MEI4: variants seen among roughly 807,000 people sequenced by gnomAD.
The protein encoded by MEI4 is meiotic double-stranded break formation protein 4, also known as meiosis-specific protein MEI4.
Under a neutral mutation model 31.4 loss-of-function variants are expected in MEI4, and 27 were observed. That is an observed-to-expected ratio of 0.86 (90% CI 0.63 to 1.19). The LOEUF (loss-of-function observed/expected upper bound fraction) is 1.19. Ranked by LOEUF, MEI4 falls within the 50% of genes most tolerant of loss-of-function variation. MEI4 has a pLI of 0.00. For synonymous variants in MEI4, 122 were observed against 145.4 expected, an observed-to-expected ratio of 0.84 and a Z score of 1.16; for missense variants, 329 against 398.9, an observed-to-expected ratio of 0.82 and a Z score of 1.49.
intron 3 of MEI4, among the ~76,000 whole-genome samples, chr6:77,775,122 GGACAATTCAGGATTA>G (rs1768407175): frequency 7.3e-6 from 1 of 136,110 alleles, no homozygotes; most frequent in African/African-American, 3.5e-5. Flanking sequence ...GGGACCTCCT[GGACAATTCAGGATTA>G]CCTCTTCATC....
chr6:77,922,002 C>T (rs1341799798), intron 4 of MEI4, among the ~76,000 whole-genome samples: 1 of 151,664 alleles, frequency 6.6e-6, no homozygotes, highest in Non-Finnish European at 1.5e-5. Context: ...GGAAAAATGA[C>T]TCTGATAGAC....
chr6:77,792,434 G>C (rs1261333611), intron 3 of MEI4, among the ~76,000 whole-genome samples: 1 of 152,064 alleles, frequency 6.6e-6, no homozygotes, highest in African/African-American at 2.4e-5. Context: ...CAGTGTACAA[G>C]GGTTTCATTT....
intron 1 of MEI4, among the ~76,000 whole-genome samples, chr6:77,677,253 G>A (rs1412187173): frequency 6.6e-6 from 1 of 152,130 alleles, no homozygotes; most frequent in Non-Finnish European, 1.5e-5. Flanking sequence ...AGCTTCAACT[G>A]CCACCTGCAT....
chr6:77,804,091 A>C (rs904441451), intron 3 of MEI4, among the ~76,000 whole-genome samples: 10 of 152,172 alleles, frequency 6.6e-5, no homozygotes, highest in Non-Finnish European at 1.3e-4. Flanking sequence ...AGAGGCAGGC[A>C]GGCCTCCTTG....
At chr6:77,696,607 G>T (rs566450963) in intron 2 of MEI4, among the ~76,000 whole-genome samples, 2 of 151,560 alleles carry the variant, frequency 1.3e-5, no homozygotes, top group African/African-American at 4.8e-5. Flanking sequence ...GCATCCCAGG[G>T]ATGAAGCCCA....
chr6:77,736,731 A>T (rs1223006675), intron 2 of MEI4, among the ~76,000 whole-genome samples: 3 of 152,134 alleles, frequency 2.0e-5, no homozygotes, highest in African/African-American at 2.4e-5. Context: ...AGCCCTGCCC[A>T]TAGCATCACA....
intron 2 of MEI4, among the ~76,000 whole-genome samples, chr6:77,752,918 A>T (rs1767814667): frequency 1.3e-5 from 2 of 152,210 alleles, no homozygotes; most frequent in South Asian, 2.1e-4. Context: ...AGACCAGTGG[A>T]ACAGAACGGA....
chr6:77,825,701 T>C lies in MEI4; in HGVS notation c.769-3230T>C, dbSNP rs140039755. Among the ~76,000 whole-genome samples, 510 of 152,350 alleles carry C rather than the reference T, an allele frequency of 3.3e-3. 2 individuals carry two copies. The highest frequency in any genetic ancestry group is 0.012 in the African/African-American group (497 of 41,576). On this transcript the variant is annotated intron_variant, in intron 3 of 4. Transcript: ENST00000684080. Reference sequence around the variant, plus strand: ...TATAGGAATTTAAGTAGATACAACATATATATGTCTCTATTGCATTTTACT... The same window carrying C: ...TATAGGAATTTAAGTAGATACAACACATATATGTCTCTATTGCATTTTACT...
At position 77,755,423 on chromosome 6, in the gene MEI4, CT is replaced by C. The variant is rs554750812; in HGVS notation, c.233-5696del. 1.7e-3 allele frequency among the ~76,000 whole-genome samples: 249 copies of C among 147,496 alleles called. 1 individual carries two copies. Among genetic ancestry groups the C allele is most frequent in the African/African-American group, 4.7e-3 (190 of 40,496 alleles). ...ACTCTGTAGGTTTTGTTTATTCATACTTTTTTTTTTTCTAAGACAGAGTCTC... is the reference window on the plus strand; with the variant it reads ...ACTCTGTAGGTTTTGTTTATTCATACTTTTTTTTTTCTAAGACAGAGTCTC... On this transcript the variant is annotated intron_variant, in intron 2 of 4. Coordinates refer to ENST00000684080, the MANE Select transcript of MEI4 (RefSeq NM_001322247.2).
chr6:77,744,764 C>A (rs575583278), intron 2 of MEI4, among the ~76,000 whole-genome samples: 5 of 152,126 alleles, frequency 3.3e-5, no homozygotes, highest in East Asian at 1.9e-4. Context: ...GACTAACAGT[C>A]GATCTCTCGG....
chr6:77,823,437 TGA>T (rs1769874861), intron 3 of MEI4, among the ~76,000 whole-genome samples: 1 of 152,224 alleles, frequency 6.6e-6, no homozygotes, highest in Admixed American at 6.5e-5. Context: ...AGTTAAGATG[TGA>T]GTTAGTTCCA....
At chr6:77,682,617 A>G (rs1194110667) in intron 1 of MEI4, among the ~76,000 whole-genome samples, 1 of 152,176 alleles carries the variant, frequency 6.6e-6, no homozygotes, top group Non-Finnish European at 1.5e-5. Context: ...TACTGATGAG[A>G]GCCAGGGTTA....
At chr6:77,673,981 A>T (rs1768794150) in intron 1 of MEI4, among the ~76,000 whole-genome samples, 5 of 152,180 alleles carry the variant, frequency 3.3e-5, no homozygotes, top group Admixed American at 3.3e-4. Context: ...TAAAATGTGG[A>T]AGCATTTAAT....
intron 2 of MEI4, among the ~76,000 whole-genome samples, chr6:77,693,748 A>T (rs1461350858): frequency 6.6e-6 from 1 of 152,148 alleles, no homozygotes; most frequent in Non-Finnish European, 1.5e-5. Flanking sequence ...AAGGAAGAAC[A>T]TGGCAGTTAT....
intron 3 of MEI4, 53 bp downstream of exon 3, chr6:77,761,718 A>T: frequency 8.7e-7 from 1 of 1,150,254 alleles, no homozygotes; most frequent in Non-Finnish European, 1.1e-6. Flanking sequence ...TTTAGTGAAC[A>T]TCTCTTTGGG....
intron 2 of MEI4, among the ~76,000 whole-genome samples, chr6:77,702,570 T>A (rs1395763710): frequency 6.6e-6 from 1 of 152,236 alleles, no homozygotes; most frequent in Non-Finnish European, 1.5e-5. Context: ...CCATTCCTGA[T>A]GCCATTTCCT....
At chr6:77,725,004 A>G (rs1766789919) in intron 2 of MEI4, among the ~76,000 whole-genome samples, 1 of 138,030 alleles carries the variant, frequency 7.2e-6, no homozygotes, top group Admixed American at 7.3e-5. Flanking sequence ...TGCTTTAATA[A>G]TGGCCCAATC....
At position 77,924,670 on chromosome 6, in the gene MEI4, A is replaced by AGACTT. The variant is rs1288189533; in HGVS notation, c.*1326_*1330dup. 6.6e-6 allele frequency: 1 copy of AGACTT among 151,792 alleles called. No homozygotes were observed. The highest frequency in any genetic ancestry group is 1.9e-4 in the East Asian group (1 of 5,152). The allele number at this position is 151,792 out of a possible 1,614,324, so 9.4% of individuals were successfully genotyped here. ...TCCACATGTGCATATTCTGAGAACCAGACTTGGGGGATAGTAGCTTCTCAG... is the reference window on the plus strand; with the variant it reads ...TCCACATGTGCATATTCTGAGAACCAGACTTGACTTGGGGGATAGTAGCTTCTCAG... On this transcript the variant is annotated 3_prime_UTR_variant, in exon 5 of 5. Coordinates refer to ENST00000684080, the MANE Select transcript of MEI4 (RefSeq NM_001322247.2).
chr6:77,795,236 T>C (rs950998027), intron 3 of MEI4, among the ~76,000 whole-genome samples: 2 of 152,112 alleles, frequency 1.3e-5, no homozygotes, highest in Admixed American at 1.3e-4. Context: ...TAAATGAAAT[T>C]AGAAAGATGA....
Sources: allele counts gnomAD v4.1 joint callset (sites outside exome capture counted in the v4.1 genomes callset), GRCh38; gene constraint gnomAD v4.1.1; transcripts MANE v1.5; gene names NCBI Gene and HGNC (gene_info 2026-07-23, HGNC 2026-07-21).